The following KCNIP4 variants were observed in gnomAD, a reference collection of about 807,000 sequenced individuals.
The protein encoded by KCNIP4 is Kv channel-interacting protein 4.
KCNIP4 carries 12 observed loss-of-function variants against 34.0 expected under a neutral mutation model. The observed-to-expected ratio is 0.35, with a 90% CI of 0.23 to 0.57. The LOEUF is 0.57. Ranked by LOEUF, KCNIP4 falls within the 20% of genes least tolerant of loss-of-function variation. The probability of loss-of-function intolerance (pLI) is 0.83; values close to 1 mark genes in which losing one functional copy is unlikely to be tolerated. For synonymous variants in KCNIP4, 124 were observed against 102.2 expected (o/e 1.21, Z -1.29); for missense variants, 238 against 311.7 (o/e 0.76, Z 1.78).
chr4:21,906,084 T>C (rs1399249476), intron 1 of KCNIP4, among the ~76,000 whole-genome samples: 1 of 152,196 alleles, frequency 6.6e-6, no homozygotes, highest in Non-Finnish European at 1.5e-5. Flanking sequence ...CATTCATCTA[T>C]GAGTGTTTCA....
intron 1 of KCNIP4, among the ~76,000 whole-genome samples, chr4:21,142,923 T>C (rs1005721657): frequency 1.3e-5 from 2 of 152,168 alleles, no homozygotes; most frequent in Admixed American, 1.3e-4. Flanking sequence ...TATGTTTAGT[T>C]CATATCTATA....
At chr4:21,224,728 A>G (rs780287568) in intron 1 of KCNIP4, among the ~76,000 whole-genome samples, 1 of 151,614 alleles carries the variant, frequency 6.6e-6, no homozygotes, top group Non-Finnish European at 1.5e-5. Context: ...CTGGGATTAT[A>G]GATGCGCACC....
At chr4:21,931,368 T>C (rs1729554221) in intron 1 of KCNIP4, among the ~76,000 whole-genome samples, 2 of 150,524 alleles carry the variant, frequency 1.3e-5, no homozygotes, top group African/African-American at 4.9e-5. Flanking sequence ...GCTGCACCCA[T>C]TAACTCATCA....
chr4:21,028,646 C>T (rs994540598), intron 1 of KCNIP4, among the ~76,000 whole-genome samples: 1 of 152,160 alleles, frequency 6.6e-6, no homozygotes, highest in Non-Finnish European at 1.5e-5. Flanking sequence ...ATACTTAGTA[C>T]CTTCTAATAT....
chr4:20,871,506 G>T (rs1032270160), intron 2 of KCNIP4, among the ~76,000 whole-genome samples: 8 of 151,844 alleles, frequency 5.3e-5, no homozygotes, highest in Admixed American at 3.9e-4. Context: ...AGGGACTCCA[G>T]AGTAGGAAAG....
At chr4:21,104,757 T>G (rs79188834) in intron 1 of KCNIP4, among the ~76,000 whole-genome samples, 42,791 of 151,420 alleles carry the variant, frequency 0.28, 6,922 homozygotes, top group African/African-American at 0.41. Flanking sequence ...AATCCACCTT[T>G]AATTAATTTT....
chr4:21,231,767 C>T (rs1758803640), intron 1 of KCNIP4, among the ~76,000 whole-genome samples: 1 of 152,028 alleles, frequency 6.6e-6, no homozygotes, highest in African/African-American at 2.4e-5. Flanking sequence ...AGATGTGAAG[C>T]CATTTGTCAG....
At chr4:21,541,980 A>G (rs1737739159) in intron 1 of KCNIP4, among the ~76,000 whole-genome samples, 1 of 152,200 alleles carries the variant, frequency 6.6e-6, no homozygotes, top group East Asian at 1.9e-4. Flanking sequence ...TAGTTTAACT[A>G]TAATTAGTTA....
intron 1 of KCNIP4, among the ~76,000 whole-genome samples, chr4:21,245,676 A>G (rs771202385): frequency 5.9e-5 from 9 of 152,178 alleles, no homozygotes; most frequent in Admixed American, 1.3e-4. Context: ...GGAACTAGGA[A>G]TTCAGGAGAA....
At chr4:21,237,826 C>T (rs1385991419) in intron 1 of KCNIP4, among the ~76,000 whole-genome samples, 5 of 152,200 alleles carry the variant, frequency 3.3e-5, no homozygotes, top group Admixed American at 6.5e-5. Flanking sequence ...ATCATTCCTT[C>T]TGAAACTATT....
intron 3 of KCNIP4, among the ~76,000 whole-genome samples, chr4:20,770,706 G>A (rs2149378695): frequency 6.6e-6 from 1 of 152,212 alleles, no homozygotes; most frequent in East Asian, 1.9e-4. Context: ...GGCTGAAGTG[G>A]GCGGATCACC....
intron 1 of KCNIP4, among the ~76,000 whole-genome samples, chr4:21,553,965 G>C (rs1167843661): frequency 1.3e-5 from 2 of 152,058 alleles, no homozygotes; most frequent in African/African-American, 2.4e-5. Flanking sequence ...ATATCTTTCA[G>C]TGGGGAAGGG....
At chr4:21,870,717 A>T (rs904661155) in intron 1 of KCNIP4, among the ~76,000 whole-genome samples, 7 of 152,180 alleles carry the variant, frequency 4.6e-5, no homozygotes, top group African/African-American at 1.7e-4. Flanking sequence ...TCGCTCTCAA[A>T]TTCTTTTGTG....
At chr4:21,727,404 ATCT>A (rs1188903134) in intron 1 of KCNIP4, among the ~76,000 whole-genome samples, 4 of 152,126 alleles carry the variant, frequency 2.6e-5, no homozygotes, top group African/African-American at 4.8e-5. Flanking sequence ...AAGACACAAA[ATCT>A]TCTGGTGCCT....
intron 1 of KCNIP4, among the ~76,000 whole-genome samples, chr4:21,235,358 C>T (rs1039228532): frequency 3.9e-5 from 6 of 152,244 alleles, no homozygotes; most frequent in Non-Finnish European, 8.8e-5. Context: ...TACCTCAGTT[C>T]CTCCACTCTT....
intron 1 of KCNIP4, among the ~76,000 whole-genome samples, chr4:20,973,408 G>C (rs547391970): frequency 1.2e-4 from 19 of 152,294 alleles, no homozygotes; most frequent in African/African-American, 3.4e-4. Flanking sequence ...TTAGGGCCTT[G>C]TTCTGGGTTA....
intron 1 of KCNIP4, among the ~76,000 whole-genome samples, chr4:21,313,775 C>A (rs1578064790): frequency 6.6e-6 from 1 of 152,150 alleles, no homozygotes; most frequent in African/African-American, 2.4e-5. Flanking sequence ...CTTGAAGGGT[C>A]ATCAAAACAA....
intron 3 of KCNIP4, among the ~76,000 whole-genome samples, chr4:20,781,344 A>G (rs542017078): frequency 6.6e-6 from 1 of 152,218 alleles, no homozygotes; most frequent in Non-Finnish European, 1.5e-5. Context: ...AATGAGATGA[A>G]CAATTTGAAC....
At chr4:21,019,804 C>T (rs369450417) in intron 1 of KCNIP4, among the ~76,000 whole-genome samples, 11 of 151,728 alleles carry the variant, frequency 7.2e-5, no homozygotes, top group Non-Finnish European at 1.0e-4. Flanking sequence ...TTCTATTATT[C>T]GCAGTATGTC....
Sources: allele counts gnomAD v4.1 joint callset (sites outside exome capture counted in the v4.1 genomes callset), GRCh38; gene constraint gnomAD v4.1.1; transcripts MANE v1.5; gene names NCBI Gene and HGNC (gene_info 2026-07-23, HGNC 2026-07-21).